Variants in FBXW5 observed in about 807,000 individuals in gnomAD.
The protein encoded by FBXW5 is F-box and WD repeat domain containing 5, also known as F-box/WD repeat-containing protein 5.
A neutral mutation model predicts 50.9 loss-of-function variants in FBXW5; 74 were observed. The ratio of observed to expected loss-of-function variants is 1.45; its 90% confidence interval spans 1.20 to 1.76. The LOEUF (loss-of-function observed/expected upper bound fraction) is 1.76, where lower values mean the gene tolerates loss of function less well. FBXW5 is among the 40% of genes most tolerant of loss of function. The pLI is 0.00. For missense variants in FBXW5, 1,073 were observed against 818.8 expected (o/e 1.31, Z -3.79); for synonymous variants, 523 against 362.2 (o/e 1.44, Z -5.04).
At chr9:136,941,774 CTG>C in intron 6 of FBXW5, 90 bp from the exon 7 acceptor site, 1 of 1,423,856 alleles carries the variant, frequency 7.0e-7, no homozygotes. Flanking sequence ...GTCTCTGGGG[CTG>C]TGAGCACCAC....
chr9:136,943,603 T>A (rs1443651963), intron 2 of FBXW5, 97 bp from the exon 3 acceptor site: 3 of 1,468,526 alleles, frequency 2.0e-6, no homozygotes, highest in African/African-American at 2.8e-5. Flanking sequence ...GGCCCCGTGG[T>A]GCCCCTGGAA....
Position 136,942,295 on chromosome 9 carries a change from C to T in FBXW5, c.847G>A (p.Gly283Ser), listed in dbSNP as rs762389062. The T allele has an allele frequency of 1.9e-6, 3 of 1,593,286 alleles. No individual in the cohort carries two copies. Among genetic ancestry groups the T allele is most frequent in the Non-Finnish European group, 2.6e-6 (3 of 1,170,838 alleles). ...GCCACCACCTCCTCGTTGTCGCTGC[C>T]CAGGTCAAAGATGCGGCAGGGGGAC... ...ATSPCRIFDL[G>S]SDNEEVVAGP... Residue 283 changes from glycine to serine, a missense_variant, in exon 6 of 9, where the codon GGC becomes AGC. By Grantham distance (56) the Gly-to-Ser change is moderately conservative. Transcript: ENST00000325285.
In FBXW5 at chr9:136,940,882, C is replaced by T. The variant is rs757695879; in HGVS notation, c.*46G>A. The T allele has an allele frequency of 1.9e-5, 30 of 1,548,512 alleles. No individual in the cohort carries two copies. Among genetic ancestry groups the T allele is most frequent in the South Asian group, 1.6e-4 (14 of 85,708 alleles). On this transcript the variant is annotated 3_prime_UTR_variant, in exon 9 of 9. Transcript: ENST00000325285. ...CTCGGGAAAAAGCCACAGAGCCTGGCGATGTCCTCAAGGGGTCCCGGTGGC... is the reference window on the plus strand; with the variant it reads ...CTCGGGAAAAAGCCACAGAGCCTGGTGATGTCCTCAAGGGGTCCCGGTGGC...
intron 1 of FBXW5, 57 bp from the exon 2 acceptor site, chr9:136,944,163 G>A: frequency 6.8e-7 from 1 of 1,468,732 alleles, no homozygotes; most frequent in Non-Finnish European, 9.1e-7. Context: ...GCCGAGAGCG[G>A]GCGTCCTGTT....
At position 136,942,170 on chromosome 9, in the gene FBXW5, C is replaced by T. The variant is rs916278338; in HGVS notation, c.972G>A (p.Glu324=). 1 of 1,599,876 alleles carries T rather than the reference C, an allele frequency of 6.3e-7. No homozygotes were observed. The highest frequency in any genetic ancestry group is 8.5e-7 in the Non-Finnish European group (1 of 1,174,060). The change falls in exon 6 of 9, where the codon GAG becomes GAA. Residue 324 remains glutamate (E), a synonymous_variant. Transcript: ENST00000325285. The part of the protein sequence containing the change: ...AQPQLSERML[E]TKVAELLAQG... The stretch of plus-strand genomic sequence containing the variant: ...GGGCCAGCAGCTCGGCCACCTTGGT[C>T]TCTAGCATGCGCTCCGACAGCTGTG...
Position 136,940,830 on chromosome 9 carries a change from C to T in FBXW5, c.*98G>A, listed in dbSNP as rs1850721605. The T allele has an allele frequency of 5.5e-6, 8 of 1,462,678 alleles. No homozygotes were observed. The highest frequency in any genetic ancestry group is 7.3e-6 in the Non-Finnish European group (8 of 1,101,964). 90.6% of individuals were successfully genotyped at this position (1,462,678 alleles called of 1,614,324 possible). ...TGGTTGTCCCCTTCCTAAGGCGTAA[C>T]TGCTATAAGCATCTCCACCTCTCCC... On this transcript the variant is annotated 3_prime_UTR_variant, in exon 9 of 9. Coordinates refer to ENST00000325285, the MANE Select transcript of FBXW5 (RefSeq NM_018998.4).
chr9:136,944,515 C>T (rs989803851), intron 1 of FBXW5, 79 bp downstream of exon 1: 5 of 984,362 alleles, frequency 5.1e-6, no homozygotes, highest in South Asian at 9.4e-5. Flanking sequence ...AGCGCACGGG[C>T]GGCCTCGGGG....
In FBXW5 at chr9:136,941,383, T is replaced by A. The variant is rs1850756342; in HGVS notation, c.1325A>T (p.Glu442Val). ...GAGGTCGAACACCAGCAGGTCAATC[T>A]CCTCCGCGATTGGTGGCGGCTGCAT... ...DPMQPPPIAE[E>V]IDLLVFDLKT... is the part of the protein sequence containing the mutation. The change falls in exon 8 of 9, where the codon GAG (glutamate) becomes GTG (valine). Residue 442 changes from glutamate (E) to valine (V), a missense_variant. By Grantham distance (121) the Glu-to-Val change is moderately radical. Coordinates refer to ENST00000325285, the MANE Select transcript of FBXW5 (RefSeq NM_018998.4). The A allele has an allele frequency of 1.9e-6, 3 of 1,611,416 alleles. No individual in the cohort carries two copies. In the East Asian group the frequency reaches 6.7e-5, roughly 36 times the overall value.
In FBXW5 at chr9:136,940,606, G is replaced by C; in HGVS notation, c.*322C>G. Reference sequence around the variant, plus strand: ...CGTCCAGGGCCCCACAGGACCAGCCGAAGGTGCCCCGGGCCGAGGCCAGCT... The same window carrying C: ...CGTCCAGGGCCCCACAGGACCAGCCCAAGGTGCCCCGGGCCGAGGCCAGCT... On this transcript the variant is annotated 3_prime_UTR_variant, in exon 9 of 9. Transcript: ENST00000325285. 2.7e-6 allele frequency: 1 copy of C among 373,952 alleles called. No homozygotes were observed. Among genetic ancestry groups the C allele is most frequent in the Non-Finnish European group, 5.1e-6 (1 of 196,426 alleles). The allele number at this position is 373,952 out of a possible 1,614,324, so 23.2% of individuals were successfully genotyped here.
chr9:136,943,782 C>T, intron 2 of FBXW5, 109 bp downstream of exon 2: 5 of 1,265,592 alleles, frequency 4.0e-6, no homozygotes, highest in Non-Finnish European at 5.5e-6. Flanking sequence ...GGGGGGTGAG[C>T]ATGGACACGC....
At position 136,942,483 on chromosome 9, in the gene FBXW5, G is replaced by T. The variant is rs201451443; in HGVS notation, c.676-17C>A. On this transcript the variant is annotated splice_polypyrimidine_tract_variant and intron_variant, in intron 5 of 8. Coordinates refer to ENST00000325285, the MANE Select transcript of FBXW5 (RefSeq NM_018998.4). ...CTCCACATCCTGGGGGCGGGGGCAC[G>T]TGCCAGGTGGGCGCCGGGCGCCAGG... 16 of 1,599,032 alleles carry T rather than the reference G, an allele frequency of 1.0e-5. No homozygotes were observed. Among genetic ancestry groups the T allele is most frequent in the Admixed American group, 8.4e-5 (5 of 59,418 alleles).
chr9:136,941,384 C>T lies in FBXW5; in HGVS notation c.1324G>A (p.Glu442Lys), dbSNP rs569722013. The T allele has an allele frequency of 4.5e-5, 73 of 1,611,526 alleles. No homozygotes were observed. In the South Asian group the frequency reaches 7.1e-4, roughly 16 times the overall value. ...DPMQPPPIAEEIDLLVFDLKT... is the reference protein window; with the variant it reads ...DPMQPPPIAEKIDLLVFDLKT... Reference sequence around the variant, plus strand: ...AGGTCGAACACCAGCAGGTCAATCTCCTCCGCGATTGGTGGCGGCTGCATG... The same window carrying T: ...AGGTCGAACACCAGCAGGTCAATCTTCTCCGCGATTGGTGGCGGCTGCATG... Residue 442 changes from glutamate to lysine, a missense_variant, in exon 8 of 9, where the codon GAG becomes AAG. Glu to Lys is a moderately conservative substitution (Grantham distance 56, BLOSUM62 1). Transcript: ENST00000325285.
chr9:136,944,675 G>A lies in FBXW5; in HGVS notation c.-105C>T, dbSNP rs959935228. ...CGCTGCCGCAGCCGCTCGGACCGCC[G>A]CCCCCGCCCAACGGGGAGCCCGCCA... On this transcript the variant is annotated 5_prime_UTR_variant, in exon 1 of 9. Transcript: ENST00000325285. 6.5e-5 allele frequency: 64 copies of A among 985,708 alleles called. No individual in the cohort carries two copies. Among genetic ancestry groups the A allele is most frequent in the African/African-American group, 3.1e-4 (18 of 57,180 alleles). The allele number at this position is 985,708 out of a possible 1,614,324, so 61.1% of individuals were successfully genotyped here. A position where few individuals can be genotyped will look rare whatever the true frequency, so the allele number is the denominator to read the frequency against.
rs577384215 is a variant in FBXW5, at chr9:136,944,266, C to A, written c.-23-160G>T. The A allele has an allele frequency of 8.5e-5, 72 of 849,842 alleles. 1 individual carries two copies. The Admixed American group carries it at 2.4e-3, about 29-fold the overall frequency. 52.6% of individuals were successfully genotyped at this position (849,842 alleles called of 1,614,324 possible). ...CGCCGCCCAACCAAGGACCCGGCAG[C>A]TCCGGGCGGGCCGGGCCGGCCCCTC... is the stretch of plus-strand genomic sequence containing the variant. On this transcript the variant is annotated intron_variant, in intron 1 of 8. Coordinates refer to ENST00000325285, the MANE Select transcript of FBXW5 (RefSeq NM_018998.4).
At chr9:136,944,223 C>G in intron 1 of FBXW5, 117 bp from the exon 2 acceptor site, 3 of 1,188,972 alleles carry the variant, frequency 2.5e-6, no homozygotes, top group Non-Finnish European at 3.4e-6. Flanking sequence ...TGCGTGTCTG[C>G]AGGGGACGCC....
rs1393010540 is a variant in FBXW5 at position 136,940,701 on chromosome 9, TGCCCAGGAG to T, written c.*218_*226del. On this transcript the variant is annotated 3_prime_UTR_variant, in exon 9 of 9. Transcript: ENST00000325285. Reference sequence around the variant, plus strand: ...CCCCAGTATCCTGTGTACCCCAAGTTGCCCAGGAGGCCGAGGGGGCCTTGGGCTCCATCT... The same window carrying T: ...CCCCAGTATCCTGTGTACCCCAAGTTGCCGAGGGGGCCTTGGGCTCCATCT... 3 of 634,212 alleles carry T rather than the reference TGCCCAGGAG, an allele frequency of 4.7e-6. No individual in the cohort carries two copies. The highest frequency in any genetic ancestry group is 4.4e-4 in the Middle Eastern group (1 of 2,258). The allele number at this position is 634,212 out of a possible 1,614,324, so 39.3% of individuals were successfully genotyped here. A position where few individuals can be genotyped will look rare whatever the true frequency, so the allele number is the denominator to read the frequency against.
chr9:136,944,610 C>T lies in FBXW5; in HGVS notation c.-40G>A, dbSNP rs570990307. On this transcript the variant is annotated 5_prime_UTR_variant, in exon 1 of 9. Transcript: ENST00000325285. ...CGCACTCACCACGGCCGCCTCCGCCCGCTGCGCCGCCCCCGCCCTGCGCGA... is the reference window on the plus strand; with the variant it reads ...CGCACTCACCACGGCCGCCTCCGCCTGCTGCGCCGCCCCCGCCCTGCGCGA... 1,337 of 984,312 alleles carry T rather than the reference C, an allele frequency of 1.4e-3. 2 individuals carry two copies. Among genetic ancestry groups the T allele is most frequent in the Middle Eastern group, 5.8e-3 (11 of 1,902 alleles). The allele number at this position is 984,312 out of a possible 1,614,324, so 61.0% of individuals were successfully genotyped here.
In FBXW5 at chr9:136,943,633, G is replaced by A. The variant is rs578244898; in HGVS notation, c.194-127C>T. ...CTGGAACCCACTAGTCATGGCATAG[G>A]CCTCGGCTGGGGGATTCAACCCTGT... On this transcript the variant is annotated intron_variant, in intron 2 of 8. Coordinates refer to ENST00000325285, the MANE Select transcript of FBXW5 (RefSeq NM_018998.4). 72 of 1,315,018 alleles carry A rather than the reference G, an allele frequency of 5.5e-5. No individual in the cohort carries two copies. The Middle Eastern group carries it at 1.4e-3, about 25-fold the overall frequency. 81.5% of individuals were successfully genotyped at this position (1,315,018 alleles called of 1,614,324 possible).
Position 136,942,443 on chromosome 9 carries a change from G to A in FBXW5, c.699C>T (p.Asn233=), listed in dbSNP as rs374812716. The change falls in exon 6 of 9, where the codon AAC becomes AAT. Residue 233 remains asparagine, a synonymous_variant. Transcript: ENST00000325285. The stretch of plus-strand genomic sequence containing the variant: ...GGATCTTGAACAGCCGCTTCACCAC[G>A]TTGACGTTCTCTGACTCCACATCCT... ...AFQDVESENV[N]VVKRLFKIQN... The A allele has an allele frequency of 8.7e-6, 14 of 1,600,964 alleles. No individual in the cohort carries two copies. The highest frequency in any genetic ancestry group is 1.7e-5 in the Admixed American group (1 of 59,644).
Sources: gnomAD v4.1 joint callset for allele counts on GRCh38, gnomAD v4.1.1 for gene constraint, MANE v1.5 for transcripts, NCBI Gene and HGNC (gene_info 2026-07-23, HGNC 2026-07-21) for gene names.